The following FBXL17 variants were observed in gnomAD, a reference collection of about 807,000 sequenced individuals.
FBXL17 encodes the protein F-box and leucine rich repeat protein 17, also known as F-box/LRR-repeat protein 17.
FBXL17 carries 22 observed loss-of-function variants against 66.2 expected under a neutral mutation model. The observed-to-expected ratio is 0.33, with a 90% CI of 0.24 to 0.47. FBXL17 has a LOEUF of 0.47. FBXL17 is among the 20% of genes least tolerant of loss of function. The pLI, the probability that FBXL17 is intolerant of heterozygous loss-of-function variation, is 1.00. For synonymous variants in FBXL17, 474 were observed against 400.5 expected (o/e 1.18, Z -2.19); for missense variants, 878 against 948.2 (o/e 0.93, Z 0.97).
chr5:107,952,248 A>C (rs900086042), intron 7 of FBXL17, among the ~76,000 whole-genome samples: 1 of 152,162 alleles, frequency 6.6e-6, no homozygotes, highest in Non-Finnish European at 1.5e-5. Flanking sequence ...TTCTGTAATG[A>C]TCCTTCTATG....
chr5:107,925,674 G>A (rs927727606), intron 7 of FBXL17, among the ~76,000 whole-genome samples: 1 of 152,160 alleles, frequency 6.6e-6, no homozygotes, highest in African/African-American at 2.4e-5. Context: ...CCCCAAGCGG[G>A]AATGAGCGCC....
rs1261784718 is a variant in FBXL17, at chr5:108,381,136, G to A, written c.556C>T (p.Pro186Ser). The A allele has an allele frequency of 1.4e-6, 2 of 1,381,998 alleles. No homozygotes were observed. Among genetic ancestry groups the A allele is most frequent in the East Asian group, 3.1e-5 (1 of 32,598 alleles). 85.6% of individuals were successfully genotyped at this position (1,381,998 alleles called of 1,614,324 possible). A position where few individuals can be genotyped will look rare whatever the true frequency, so the allele number is the denominator to read the frequency against. The change falls in exon 1 of 9, where the codon CCG becomes TCG. Residue 186 changes from proline to serine, a missense_variant. By Grantham distance (74) the Pro-to-Ser change is moderately conservative. Coordinates refer to ENST00000542267, the MANE Select transcript of FBXL17 (RefSeq NM_001163315.3). ...TCGGGGGGCGTAGGGAGCTCGGCCG[G>A]TGACGGTGTCGGCCCCCGGAAGAGC... is the stretch of plus-strand genomic sequence containing the variant. Reference protein sequence around the residue: ...VQLFRGPTPSPAELPTPPEMV... With the variant: ...VQLFRGPTPSSAELPTPPEMV...
rs370493876 is a variant in FBXL17, at chr5:107,928,543, C to T, written c.1823-47364G>A. Among the ~76,000 whole-genome samples, 8 of 151,714 alleles carry T rather than the reference C, an allele frequency of 5.3e-5. 1 individual carries two copies. Among genetic ancestry groups the T allele is most frequent in the Non-Finnish European group, 1.0e-4 (7 of 67,912 alleles). On this transcript the variant is annotated intron_variant, in intron 7 of 8. Coordinates refer to ENST00000542267, the MANE Select transcript of FBXL17 (RefSeq NM_001163315.3). Reference sequence around the variant, plus strand: ...TTTAATTGTACATACAGAAACTCAACCTGGTAATATTACTTCTAAGTAATC... The same window carrying T: ...TTTAATTGTACATACAGAAACTCAATCTGGTAATATTACTTCTAAGTAATC...
intron 7 of FBXL17, among the ~76,000 whole-genome samples, chr5:107,882,645 G>A (rs1452664475): frequency 6.6e-6 from 1 of 152,122 alleles, no homozygotes; most frequent in East Asian, 1.9e-4. Flanking sequence ...TGTATAGAAG[G>A]AGCAACATCC....
chr5:108,051,437 T>C (rs911615039), intron 6 of FBXL17, among the ~76,000 whole-genome samples: 20 of 152,066 alleles, frequency 1.3e-4, no homozygotes, highest in African/African-American at 4.6e-4. Context: ...GTTCAACATA[T>C]GCAAATAAAT....
At chr5:107,980,127 A>T (rs2112667820) in intron 7 of FBXL17, among the ~76,000 whole-genome samples, 1 of 152,290 alleles carries the variant, frequency 6.6e-6, no homozygotes, top group South Asian at 2.1e-4. Context: ...ATTATCAGAA[A>T]TTTTTAAAGG....
chr5:108,354,273 G>T (rs1363379878), intron 3 of FBXL17, among the ~76,000 whole-genome samples: 1 of 152,092 alleles, frequency 6.6e-6, no homozygotes, highest in East Asian at 1.9e-4. Context: ...GGAATTACCA[G>T]GCCGGAAATT....
At chr5:107,918,058 G>A (rs754005441) in intron 7 of FBXL17, among the ~76,000 whole-genome samples, 16 of 152,070 alleles carry the variant, frequency 1.1e-4, no homozygotes, top group Non-Finnish European at 2.1e-4. Flanking sequence ...CCACATTTTT[G>A]GCTTGCCATG....
chr5:108,114,197 T>A (rs968710803), intron 6 of FBXL17, among the ~76,000 whole-genome samples: 1 of 152,166 alleles, frequency 6.6e-6, no homozygotes, highest in Non-Finnish European at 1.5e-5. Flanking sequence ...TGTACGAACA[T>A]AACATGTACA....
At position 107,861,237 on chromosome 5, in the gene FBXL17, G is replaced by C. The variant is rs1205498588; in HGVS notation, c.*483C>G. ...TCAGGAAACGATCTAGAGTAGATCA[G>C]AGCCCTGGTGTAGATGTGCACACGT... On this transcript the variant is annotated 3_prime_UTR_variant, in exon 9 of 9. Transcript: ENST00000542267. The C allele has an allele frequency of 6.6e-6, 1 of 152,216 alleles. No homozygotes were observed. The highest frequency in any genetic ancestry group is 1.5e-5 in the Non-Finnish European group (1 of 68,066). 9.4% of individuals were successfully genotyped at this position (152,216 alleles called of 1,614,324 possible).
At chr5:108,035,149 T>C (rs1420039989) in intron 6 of FBXL17, among the ~76,000 whole-genome samples, 1 of 152,178 alleles carries the variant, frequency 6.6e-6, no homozygotes, top group Admixed American at 6.5e-5. Flanking sequence ...TTATAAATAG[T>C]TATGTTTATA....
chr5:107,890,077 C>A (rs1749145527), intron 7 of FBXL17, among the ~76,000 whole-genome samples: 1 of 152,100 alleles, frequency 6.6e-6, no homozygotes, highest in Non-Finnish European at 1.5e-5. Context: ...GTAACATTCG[C>A]TGAGAACCTA....
intron 7 of FBXL17, among the ~76,000 whole-genome samples, chr5:107,992,348 A>G (rs1270210439): frequency 1.3e-5 from 2 of 152,178 alleles, no homozygotes; most frequent in Non-Finnish European, 2.9e-5. Context: ...AACACAGAAC[A>G]AAGGTAAATT....
chr5:108,154,669 A>ATG (rs1482566218), intron 6 of FBXL17, among the ~76,000 whole-genome samples: 1 of 143,824 alleles, frequency 7.0e-6, no homozygotes, highest in Non-Finnish European at 1.5e-5. Flanking sequence ...ATACATATAT[A>ATG]TGTGTATATA....
At position 108,381,832 on chromosome 5, in the gene FBXL17, A is replaced by G; in HGVS notation, c.-141T>C. ...TGCGCACACACACGCACACACGGGC[A>G]CACACGCGACGGTGGGGGGTGGGCG... On this transcript the variant is annotated 5_prime_UTR_variant, in exon 1 of 9. Transcript: ENST00000542267. 1.5e-6 allele frequency: 2 copies of G among 1,301,640 alleles called. No homozygotes were observed. The highest frequency in any genetic ancestry group is 4.2e-5 in the South Asian group (2 of 47,062). The allele number at this position is 1,301,640 out of a possible 1,614,324, so 80.6% of individuals were successfully genotyped here.
At chr5:107,879,650 T>C (rs1170153715) in intron 8 of FBXL17, 3 of 985,338 alleles carry the variant, frequency 3.0e-6, no homozygotes, top group African/African-American at 3.5e-5. Flanking sequence ...CCATACTTCA[T>C]TTGCCCCCAC....
intron 6 of FBXL17, among the ~76,000 whole-genome samples, chr5:108,171,425 C>T (rs1448042906): frequency 1.3e-5 from 2 of 152,188 alleles, no homozygotes; most frequent in Non-Finnish European, 2.9e-5. Context: ...GCAAGACATT[C>T]TACCTATCTG....
chr5:108,160,538 CA>C (rs1752171685), intron 6 of FBXL17, among the ~76,000 whole-genome samples: 1 of 151,966 alleles, frequency 6.6e-6, no homozygotes, highest in Admixed American at 6.6e-5. Context: ...AATGAGCAAC[CA>C]ATAAGAAGAA....
Position 108,292,955 on chromosome 5 carries a change from C to T in FBXL17, c.1506+55444G>A, listed in dbSNP as rs371786718. On this transcript the variant is annotated intron_variant, in intron 4 of 8. Transcript: ENST00000542267. ...AAATACAAAAAATTAGCAGGGCATG[C>T]TGGCGGGTGCCTGTAGTCCAAGCTA... is the stretch of plus-strand genomic sequence containing the variant. Among the ~76,000 whole-genome samples the T allele has an allele frequency of 1.2e-3, 188 of 151,880 alleles. 7 individuals carry two copies. In the South Asian group the frequency reaches 0.038, roughly 31 times the overall value.
Sources: gnomAD v4.1 joint callset for allele counts (sites outside exome capture counted in the v4.1 genomes callset) on GRCh38, gnomAD v4.1.1 for gene constraint, MANE v1.5 for transcripts, NCBI Gene and HGNC (gene_info 2026-07-23, HGNC 2026-07-21) for gene names.